The following CDH12 variants were observed in gnomAD, a reference collection of about 807,000 sequenced individuals.
CDH12 encodes the protein cadherin-12.
CDH12 carries 41 observed loss-of-function variants against 74.1 expected under a neutral mutation model. That is an observed-to-expected ratio of 0.55 (90% confidence interval 0.43 to 0.72). The LOEUF (loss-of-function observed/expected upper bound fraction) is 0.72. CDH12 is among the 30% of genes least tolerant of loss of function. The pLI, the probability that CDH12 is intolerant of heterozygous loss-of-function variation, is 0.00. For missense variants in CDH12, 945 were observed against 977.2 expected (o/e 0.97, Z 0.44); for synonymous variants, 399 against 355.0 (o/e 1.12, Z -1.39).
At chr5:22,275,898 G>C (rs1450110046) in intron 3 of CDH12, among the ~76,000 whole-genome samples, 1 of 152,072 alleles carries the variant, frequency 6.6e-6, no homozygotes, top group Non-Finnish European at 1.5e-5. Flanking sequence ...GATTTAATTG[G>C]TGACAGAGTA....
intron 1 of CDH12, among the ~76,000 whole-genome samples, chr5:22,598,972 T>C (rs1736726080): frequency 6.6e-6 from 1 of 152,292 alleles, no homozygotes; most frequent in Non-Finnish European, 1.5e-5. Flanking sequence ...ATATTGCTAT[T>C]ACCTCCTGCA....
intron 1 of CDH12, among the ~76,000 whole-genome samples, chr5:22,837,210 G>A (rs997990537): frequency 6.6e-6 from 1 of 152,062 alleles, no homozygotes; most frequent in Non-Finnish European, 1.5e-5. Context: ...CTTGAGCTCA[G>A]GAGTTCGAGA....
At chr5:22,606,798 G>A (rs1737139702) in intron 1 of CDH12, among the ~76,000 whole-genome samples, 1 of 152,128 alleles carries the variant, frequency 6.6e-6, no homozygotes, top group African/African-American at 2.4e-5. Flanking sequence ...CTGAGTAACA[G>A]GTAGAATTTG....
intron 2 of CDH12, among the ~76,000 whole-genome samples, chr5:22,428,729 T>A (rs779683257): frequency 1.6e-4 from 25 of 152,190 alleles, no homozygotes; most frequent in Non-Finnish European, 3.1e-4. Context: ...AAAGCAGGTC[T>A]AACACAGTCA....
intron 3 of CDH12, among the ~76,000 whole-genome samples, chr5:22,355,194 C>T (rs1256159532): frequency 6.6e-6 from 1 of 152,010 alleles, no homozygotes; most frequent in Non-Finnish European, 1.5e-5. Flanking sequence ...AACAAATTTG[C>T]TCTTCGAAGT....
intron 6 of CDH12, among the ~76,000 whole-genome samples, chr5:21,961,325 G>C (rs970411911): frequency 6.6e-6 from 1 of 151,706 alleles, no homozygotes; most frequent in Non-Finnish European, 1.5e-5. Flanking sequence ...ACTTTCTCTG[G>C]TATTAGCCAG....
At chr5:22,782,050 G>C (rs1747409770) in intron 1 of CDH12, among the ~76,000 whole-genome samples, 1 of 152,102 alleles carries the variant, frequency 6.6e-6, no homozygotes, top group South Asian at 2.1e-4. Flanking sequence ...ACCCCACATT[G>C]TATTGTTGAA....
At chr5:22,441,154 CA>C (rs1744607548) in intron 2 of CDH12, among the ~76,000 whole-genome samples, 1 of 152,102 alleles carries the variant, frequency 6.6e-6, no homozygotes, top group Admixed American at 6.6e-5. Context: ...ATATATCTGC[CA>C]GTGTAAATAC....
Position 21,816,498 on chromosome 5 carries a change from A to G in CDH12, c.1002+447T>C, listed in dbSNP as rs1468995554. Among the ~76,000 whole-genome samples, 4 of 151,302 alleles carry G rather than the reference A, an allele frequency of 2.6e-5. No individual in the cohort carries two copies. The East Asian group carries it at 7.8e-4, about 30-fold the overall frequency. On this transcript the variant is annotated intron_variant, in intron 9 of 14. Transcript: ENST00000382254. ...AAACTAGCCGGGCGTGGTGGTGCAC[A>G]TCTGTAATCCCAGCTACTCAGGAGT...
intron 1 of CDH12, among the ~76,000 whole-genome samples, chr5:22,535,315 C>T (rs1048397631): frequency 2.0e-5 from 3 of 151,740 alleles, no homozygotes; most frequent in South Asian, 2.1e-4. Context: ...CTACCACGCC[C>T]GGCTAATTTT....
chr5:22,065,234 A>AC (rs1741473336), intron 5 of CDH12, among the ~76,000 whole-genome samples: 1 of 152,132 alleles, frequency 6.6e-6, no homozygotes, highest in Non-Finnish European at 1.5e-5. Flanking sequence ...TGCAAGTGTG[A>AC]CCCATGAGGT....
intron 1 of CDH12, among the ~76,000 whole-genome samples, chr5:22,651,454 A>G (rs1042052044): frequency 3.3e-5 from 5 of 152,088 alleles, no homozygotes; most frequent in Non-Finnish European, 5.9e-5. Flanking sequence ...AAACTTCTTC[A>G]CAAGGTGATA....
rs150960544 is a variant in CDH12 at position 22,672,431 on chromosome 5, C to T, written c.-522-167067G>A. On this transcript the variant is annotated intron_variant, in intron 1 of 14. Transcript: ENST00000382254. ...GATTAGGCCAGGATGACTTTGCTCTCATGAAGGGATTAATGCCATTATGGG... is the reference window on the plus strand; with the variant it reads ...GATTAGGCCAGGATGACTTTGCTCTTATGAAGGGATTAATGCCATTATGGG... Among the ~76,000 whole-genome samples, 1,115 of 152,006 alleles carry T rather than the reference C, an allele frequency of 7.3e-3. 10 individuals are homozygous for T. The highest frequency in any genetic ancestry group is 0.026 in the African/African-American group (1,069 of 41,470).
intron 1 of CDH12, among the ~76,000 whole-genome samples, chr5:22,711,760 G>C (rs925326104): frequency 1.3e-5 from 2 of 151,968 alleles, no homozygotes; most frequent in African/African-American, 4.8e-5. Context: ...AAATAACAAA[G>C]GAGAAATTAA....
chr5:22,508,642 T>C (rs534315654), intron 1 of CDH12, among the ~76,000 whole-genome samples: 3 of 152,198 alleles, frequency 2.0e-5, no homozygotes, highest in Non-Finnish European at 4.4e-5. Flanking sequence ...TCCACAATCT[T>C]TGATCTTAAC....
At chr5:22,470,396 T>TTTTTATTTTA (rs1318185392) in intron 2 of CDH12, among the ~76,000 whole-genome samples, 32 of 148,306 alleles carry the variant, frequency 2.2e-4, no homozygotes, top group South Asian at 6.4e-4. Context: ...GTTACAATTA[T>TTTTTATTTTA]TTTTATTTTA....
At chr5:21,808,215 G>T (rs13190130) in intron 9 of CDH12, among the ~76,000 whole-genome samples, 3,653 of 151,994 alleles carry the variant, frequency 0.024, 59 homozygotes, top group Non-Finnish European at 0.038. Flanking sequence ...AGACTCCAAG[G>T]CTTAGATTGG....
chr5:22,266,857 T>C (rs1420061551), intron 3 of CDH12, among the ~76,000 whole-genome samples: 2 of 152,198 alleles, frequency 1.3e-5, no homozygotes, highest in African/African-American at 4.8e-5. Context: ...TCTTTAATTA[T>C]CTGAATGAGC....
At chr5:22,656,820 T>A (rs529146340) in intron 1 of CDH12, among the ~76,000 whole-genome samples, 2 of 152,258 alleles carry the variant, frequency 1.3e-5, no homozygotes, top group African/African-American at 4.8e-5. Flanking sequence ...TACATTTTTA[T>A]CTTCTTTGTG....
Sources: gnomAD v4.1 joint callset for allele counts (sites outside exome capture counted in the v4.1 genomes callset) on GRCh38, gnomAD v4.1.1 for gene constraint, MANE v1.5 for transcripts, NCBI Gene and HGNC (gene_info 2026-07-23, HGNC 2026-07-21) for gene names.